ZNF277: variants seen among roughly 807,000 people sequenced by gnomAD.
ZNF277 encodes nuclear receptor-interacting factor 4.
ZNF277 carries 55 observed loss-of-function variants against 60.7 expected under a neutral mutation model. The observed-to-expected ratio is 0.91, with a 90% CI of 0.73 to 1.13. ZNF277 has a LOEUF of 1.13. Among genes scored for constraint, ZNF277 ranks in the 50% most tolerant of loss-of-function variants. ZNF277 has a pLI of 0.00. For missense variants in ZNF277, 510 were observed against 523.0 expected (o/e 0.98, Z 0.24); for synonymous variants, 178 against 179.3 (o/e 0.99, Z 0.06).
chr7:112,207,201 A>G (rs1821537021), intron 1 of ZNF277, among the ~76,000 whole-genome samples: 1 of 152,038 alleles, frequency 6.6e-6, no homozygotes, highest in Non-Finnish European at 1.5e-5. Flanking sequence ...TCACCAGTAC[A>G]CTGCCTTGGT....
intron 4 of ZNF277, among the ~76,000 whole-genome samples, chr7:112,312,982 G>T (rs1181568155): frequency 6.6e-6 from 1 of 151,982 alleles, no homozygotes; most frequent in African/African-American, 2.4e-5. Context: ...ATGGTCAAAA[G>T]TATATGTTAT....
intron 6 of ZNF277, 29 bp from the exon 7 acceptor site, chr7:112,330,055 G>T: frequency 1.9e-6 from 3 of 1,594,554 alleles, no homozygotes; most frequent in South Asian, 1.2e-5. Context: ...CAAGAGACTT[G>T]TTTATCAGTG....
chr7:112,213,218 C>T (rs927630733), intron 1 of ZNF277, among the ~76,000 whole-genome samples: 10 of 152,148 alleles, frequency 6.6e-5, no homozygotes, highest in African/African-American at 2.2e-4. Context: ...CCATGTGAGA[C>T]GTGACTTGCT....
In ZNF277 at chr7:112,339,823, T is replaced by G. The variant is rs1793408297; in HGVS notation, c.967-20T>G. 1 of 1,606,916 alleles carries G rather than the reference T, an allele frequency of 6.2e-7. No individual in the cohort carries two copies. The highest frequency in any genetic ancestry group is 8.5e-7 in the Non-Finnish European group (1 of 1,174,622). ...ATTAAATAATTCATATGCTTACAGA[T>G]GTATTCATTCCTTTTTTAGGATGCA... is the stretch of plus-strand genomic sequence containing the variant. On this transcript the variant is annotated intron_variant, in intron 9 of 11. Coordinates refer to ENST00000361822, the MANE Select transcript of ZNF277 (RefSeq NM_021994.3).
At chr7:112,307,208 G>A (rs1363585911) in intron 4 of ZNF277, among the ~76,000 whole-genome samples, 1 of 152,048 alleles carries the variant, frequency 6.6e-6, no homozygotes, top group East Asian at 1.9e-4. Flanking sequence ...CCCATGGGGG[G>A]AGTTGGACCC....
chr7:112,300,224 C>T (rs1792444463), intron 4 of ZNF277, among the ~76,000 whole-genome samples: 1 of 152,162 alleles, frequency 6.6e-6, no homozygotes, highest in Non-Finnish European at 1.5e-5. Flanking sequence ...GGTTTCTTGA[C>T]ATTTGCAAGA....
At chr7:112,302,650 A>G (rs1792503334) in intron 4 of ZNF277, among the ~76,000 whole-genome samples, 1 of 152,066 alleles carries the variant, frequency 6.6e-6, no homozygotes, top group African/African-American at 2.4e-5. Context: ...ATCTAAAACG[A>G]TATTATTCTG....
intron 1 of ZNF277, among the ~76,000 whole-genome samples, chr7:112,227,202 T>A (rs1346069454): frequency 1.3e-5 from 2 of 152,258 alleles, no homozygotes; most frequent in African/African-American, 4.8e-5. Flanking sequence ...TGAAATTAGT[T>A]GATCCTGCTG....
At chr7:112,304,295 G>C (rs2117090026) in intron 4 of ZNF277, among the ~76,000 whole-genome samples, 1 of 152,164 alleles carries the variant, frequency 6.6e-6, no homozygotes, top group African/African-American at 2.4e-5. Context: ...TATATTATTT[G>C]AGTATATTGC....
intron 4 of ZNF277, among the ~76,000 whole-genome samples, chr7:112,307,733 A>G (rs181442948): frequency 1.3e-5 from 2 of 151,904 alleles, no homozygotes; most frequent in African/African-American, 4.8e-5. Context: ...TCTTGTATCT[A>G]TCTCCTAAGC....
chr7:112,215,391 A>C (rs888261800), intron 1 of ZNF277, among the ~76,000 whole-genome samples: 1 of 152,254 alleles, frequency 6.6e-6, no homozygotes, highest in Non-Finnish European at 1.5e-5. Flanking sequence ...GGACAGTGTC[A>C]TGTTGTGATG....
intron 4 of ZNF277, among the ~76,000 whole-genome samples, chr7:112,299,428 T>C (rs992442400): frequency 2.0e-5 from 3 of 152,330 alleles, no homozygotes; most frequent in South Asian, 2.1e-4. Context: ...TTTAAGAATG[T>C]AAACTGGTAT....
At chr7:112,341,147 T>C in intron 11 of ZNF277, 101 bp downstream of exon 11, 1 of 1,147,954 alleles carries the variant, frequency 8.7e-7, no homozygotes, top group South Asian at 1.9e-5. Flanking sequence ...GGAATACATA[T>C]TTATTATAAA....
chr7:112,274,087 CAT>C (rs767518664), intron 1 of ZNF277, among the ~76,000 whole-genome samples: 1 of 151,544 alleles, frequency 6.6e-6, no homozygotes, highest in Non-Finnish European at 1.5e-5. Context: ...GAGAAATTCA[CAT>C]GTTCAAAAAT....
intron 1 of ZNF277, among the ~76,000 whole-genome samples, chr7:112,285,883 G>T (rs1792053602): frequency 6.6e-6 from 1 of 152,184 alleles, no homozygotes; most frequent in South Asian, 2.1e-4. Context: ...AAACTTGTCT[G>T]TGGCTTAGTT....
intron 2 of ZNF277, chr7:112,287,775 C>T (rs1792108341): frequency 6.6e-6 from 1 of 152,162 alleles, no homozygotes; most frequent in Non-Finnish European, 1.5e-5. Flanking sequence ...GATCTGCCCA[C>T]CTCAGCCTCC....
chr7:112,266,693 G>A, intron 1 of ZNF277, among the ~76,000 whole-genome samples: 1 of 152,122 alleles, frequency 6.6e-6, no homozygotes, highest in East Asian at 1.9e-4. Context: ...GTGGAGCACA[G>A]AAAATCCTAC....
chr7:112,315,160 A>G (rs1563226120), intron 4 of ZNF277, among the ~76,000 whole-genome samples: 1 of 152,112 alleles, frequency 6.6e-6, no homozygotes, highest in Non-Finnish European at 1.5e-5. Context: ...ACCCTACCAG[A>G]TGAAAATAAC....
chr7:112,244,833 A>AT (rs1281194416), intron 1 of ZNF277, among the ~76,000 whole-genome samples: 2 of 152,220 alleles, frequency 1.3e-5, no homozygotes, highest in Non-Finnish European at 1.5e-5. Context: ...ATTAAACAAA[A>AT]TTTTTTATAA....
Sources: allele counts gnomAD v4.1 joint callset (sites outside exome capture counted in the v4.1 genomes callset), GRCh38; gene constraint gnomAD v4.1.1; transcripts MANE v1.5; gene names NCBI Gene and HGNC (gene_info 2026-07-23, HGNC 2026-07-21).